The following RCC1L variants were observed in gnomAD, a reference collection of about 807,000 sequenced individuals.
RCC1L encodes the protein RCC1-like G exchanging factor-like protein.
A neutral mutation model predicts 58.6 loss-of-function variants in RCC1L; 46 were observed. That is an observed-to-expected ratio of 0.79 (90% confidence interval 0.62 to 1.00). RCC1L has a LOEUF of 1.00. Ranked by LOEUF, RCC1L falls within the 50% of genes least tolerant of loss-of-function variation. The pLI, the probability that RCC1L is intolerant of heterozygous loss-of-function variation, is 0.00. For missense variants in RCC1L, 636 were observed against 623.6 expected (o/e 1.02, Z -0.21); for synonymous variants, 281 against 262.9 (o/e 1.07, Z -0.67).
In RCC1L at chr7:75,045,922, C is replaced by A. The variant is rs948224603; in HGVS notation, c.1318-2813G>T. 6.2e-4 allele frequency among the ~76,000 whole-genome samples: 95 copies of A among 152,356 alleles called. 1 individual carries two copies. The highest frequency in any genetic ancestry group is 2.2e-3 in the Admixed American group (33 of 15,300). On this transcript the variant is annotated intron_variant, in intron 10 of 10. Coordinates refer to ENST00000610322, the MANE Select transcript of RCC1L (RefSeq NM_030798.5). ...TTGATCTACTGACCAGATCCGAATTCGACCACCCTCCCCTGGTGGCAGCAT... is the reference window on the plus strand; with the variant it reads ...TTGATCTACTGACCAGATCCGAATTAGACCACCCTCCCCTGGTGGCAGCAT...
intron 10 of RCC1L, among the ~76,000 whole-genome samples, chr7:75,030,348 T>C (rs1288506762): frequency 6.6e-6 from 1 of 152,220 alleles, no homozygotes; most frequent in African/African-American, 2.4e-5. Context: ...AGTCTTGTTG[T>C]CAGGCCTTGA....
chr7:75,057,043 G>A (rs1328253594), intron 8 of RCC1L, among the ~76,000 whole-genome samples: 6 of 152,048 alleles, frequency 3.9e-5, no homozygotes, highest in African/African-American at 9.6e-5. Flanking sequence ...GCGCAATCTC[G>A]GCTCACTACA....
intron 8 of RCC1L, chr7:75,056,820 T>C (rs2131993429): frequency 5.7e-6 from 7 of 1,230,228 alleles, no homozygotes; most frequent in East Asian, 2.5e-5. Context: ...CCCATGGCCA[T>C]AGTCCCTTCC....
chr7:75,041,111 G>A (rs942463039), downstream of RCC1L, among the ~76,000 whole-genome samples: 23 of 152,124 alleles, frequency 1.5e-4, no homozygotes, highest in East Asian at 7.7e-4. Flanking sequence ...CCAGCTACTC[G>A]GGAGGCTGAG....
Position 75,042,551 on chromosome 7 carries a change from C to T in RCC1L, c.*481G>A, listed in dbSNP as rs1805597520. On this transcript the variant is annotated 3_prime_UTR_variant, in exon 11 of 11. Transcript: ENST00000610322. Reference sequence around the variant, plus strand: ...CCAGGAAGGGCCATGAGCAGGGTGGCCTGAATGAAAACCGAGGGCCGAAGC... The same window carrying T: ...CCAGGAAGGGCCATGAGCAGGGTGGTCTGAATGAAAACCGAGGGCCGAAGC... The T allele has an allele frequency of 1.3e-5, 13 of 998,674 alleles. No homozygotes were observed. The highest frequency in any genetic ancestry group is 1.1e-4 in the East Asian group (1 of 9,202). The allele number at this position is 998,674 out of a possible 1,614,324, so 61.9% of individuals were successfully genotyped here.
intron 8 of RCC1L, 24 bp from the exon 9 acceptor site, chr7:75,056,098 T>A (rs1806071313): frequency 1.2e-6 from 2 of 1,613,418 alleles, no homozygotes; most frequent in Non-Finnish European, 1.7e-6. Context: ...AAAACAAGGG[T>A]CAGTAAGTCC....
chr7:75,043,078 G>GC lies in RCC1L; in HGVS notation c.1348dup (p.Ala450GlyfsTer108). 1 of 1,614,046 alleles carries GC rather than the reference G, an allele frequency of 6.2e-7. No individual in the cohort carries two copies. Among genetic ancestry groups the GC allele is most frequent in the South Asian group, 1.1e-5 (1 of 91,080 alleles). On this transcript the variant is annotated frameshift_variant, in exon 11 of 11. Coordinates refer to ENST00000610322, the MANE Select transcript of RCC1L (RefSeq NM_030798.5). LOFTEE classifies it high-confidence loss of function. Reference sequence around the variant, plus strand: ...GGTCACCATGTGGTCCACGCCACATGCCACGTCCACAGGCTCCCCAGGCAT... The same window carrying GC: ...GGTCACCATGTGGTCCACGCCACATGCCCACGTCCACAGGCTCCCCAGGCAT...
intron 5 of RCC1L, among the ~76,000 whole-genome samples, chr7:75,062,228 G>A (rs1199322511): frequency 1.5e-5 from 2 of 129,578 alleles, no homozygotes; most frequent in Non-Finnish European, 3.2e-5. Context: ...CAGTCTAATA[G>A]GTGAAGGAGG....
chr7:75,050,397 G>A (rs1272224088), intron 10 of RCC1L, among the ~76,000 whole-genome samples: 1 of 152,202 alleles, frequency 6.6e-6, no homozygotes, highest in East Asian at 1.9e-4. Flanking sequence ...ATCGGGCTCC[G>A]GCCACTCCCT....
downstream of RCC1L, among the ~76,000 whole-genome samples, chr7:75,040,934 T>C (rs1466358025): frequency 5.9e-5 from 9 of 152,086 alleles, no homozygotes; most frequent in Non-Finnish European, 7.4e-5. Flanking sequence ...AGTGCAGCTC[T>C]AGGCCGGGCA....
intron 6 of RCC1L, among the ~76,000 whole-genome samples, chr7:75,059,114 A>C (rs1295367945): frequency 6.7e-6 from 1 of 150,364 alleles, no homozygotes; most frequent in African/African-American, 2.4e-5. Flanking sequence ...AATCACTTGA[A>C]CCTAGGAGGT....
intron 10 of RCC1L, among the ~76,000 whole-genome samples, chr7:75,052,464 C>CTGGTG (rs1805941879): frequency 6.6e-6 from 1 of 152,198 alleles, no homozygotes; most frequent in Admixed American, 6.5e-5. Flanking sequence ...GCTCCTGCAC[C>CTGGTG]CCAAGAAGCC....
chr7:75,069,146 C>T (rs1024433862), intron 2 of RCC1L, among the ~76,000 whole-genome samples: 3 of 151,880 alleles, frequency 2.0e-5, no homozygotes, highest in Non-Finnish European at 4.4e-5. Flanking sequence ...GGATTACAGG[C>T]GTGAGCCACT....
intron 10 of RCC1L, among the ~76,000 whole-genome samples, chr7:75,035,808 C>T (rs994207858): frequency 2.2e-4 from 33 of 151,836 alleles, no homozygotes; most frequent in Non-Finnish European, 4.6e-4. Flanking sequence ...TCAATACCAC[C>T]CTGGGCAACA....
Position 75,043,058 on chromosome 7 carries a change from C to T in RCC1L, c.1369G>A (p.Val457Met), listed in dbSNP as rs1805613118. The T allele has an allele frequency of 6.8e-6, 11 of 1,614,044 alleles. No homozygotes were observed. In the South Asian group the frequency reaches 1.1e-4, roughly 16 times the overall value. Reference sequence around the variant, plus strand: ...TAGATGAATGACTTGGCCAGGGTCACCATGTGGTCCACGCCACATGCCACG... The same window carrying T: ...TAGATGAATGACTTGGCCAGGGTCATCATGTGGTCCACGCCACATGCCACG... The part of the protein sequence containing the change: ...VDVACGVDHM[V>M]TLAKSFI The change falls in exon 11 of 11, where the codon GTG (valine) becomes ATG (methionine). Residue 457 changes from valine to methionine, a missense_variant. Transcript: ENST00000610322.
chr7:75,054,043 C>T (rs1805998716), intron 9 of RCC1L, among the ~76,000 whole-genome samples: 1 of 152,180 alleles, frequency 6.6e-6, no homozygotes, highest in Admixed American at 6.5e-5. Context: ...GCTGGGACTA[C>T]AGGCGCACAC....
chr7:75,070,063 C>T (rs1188807993), intron 2 of RCC1L, among the ~76,000 whole-genome samples: 1 of 152,142 alleles, frequency 6.6e-6, no homozygotes, highest in African/African-American at 2.4e-5. Flanking sequence ...CGCTGTCTGT[C>T]TCCAAGCCAG....
downstream of RCC1L, among the ~76,000 whole-genome samples, chr7:75,041,226 C>CTAAT (rs1805554518): frequency 6.6e-6 from 1 of 151,280 alleles, no homozygotes; most frequent in Non-Finnish European, 1.5e-5. Flanking sequence ...AACTAACTAA[C>CTAAT]TAACTAACTA....
chr7:75,066,747 G>A lies in RCC1L; in HGVS notation c.500C>T (p.Pro167Leu), dbSNP rs782731230. 34 of 1,613,328 alleles carry A rather than the reference G, an allele frequency of 2.1e-5. No individual in the cohort carries two copies. The highest frequency in any genetic ancestry group is 2.2e-5 in the Non-Finnish European group (26 of 1,179,708). ...CCGTGTCTCCTGAGGTCTGTCCAGA[G>A]GCAGGGAGACGGGTGAGGGCTCCAA... ...YVLEPSPVSL[P>L]LDRPQETRVL... is the part of the protein sequence containing the mutation. Residue 167 changes from proline (P) to leucine (L), a missense_variant, in exon 3 of 11, where the codon CCT (proline) becomes CTT (leucine). Pro to Leu is a moderately conservative substitution (Grantham distance 98). Coordinates refer to ENST00000610322, the MANE Select transcript of RCC1L (RefSeq NM_030798.5).
Sources: gnomAD v4.1 joint callset for allele counts (sites outside exome capture counted in the v4.1 genomes callset) on GRCh38, gnomAD v4.1.1 for gene constraint, MANE v1.5 for transcripts, NCBI Gene and HGNC (gene_info 2026-07-23, HGNC 2026-07-21) for gene names.